Variants in ZNF254 observed in about 807,000 individuals in gnomAD.
ZNF254 encodes the protein zinc finger protein 254.
A neutral mutation model predicts 12.4 loss-of-function variants in ZNF254; 10 were observed. The ratio of observed to expected loss-of-function variants is 0.80; its 90% CI spans 0.50 to 1.36. ZNF254 has a LOEUF of 1.36. ZNF254 is among the 40% of genes most tolerant of loss of function. ZNF254 has a pLI of 0.00. For missense variants in ZNF254, 996 were observed against 763.9 expected (o/e 1.30, Z -3.58); for synonymous variants, 305 against 253.4 (o/e 1.20, Z -1.93).
intron 3 of ZNF254, among the ~76,000 whole-genome samples, chr19:24,111,597 C>T (rs1438414292): frequency 1.3e-5 from 2 of 152,268 alleles, no homozygotes; most frequent in African/African-American, 4.8e-5. Context: ...TATTTCTCCA[C>T]ATCTTCTCCA....
intron 2 of ZNF254, among the ~76,000 whole-genome samples, chr19:24,054,248 C>T (rs1970756908): frequency 6.6e-6 from 1 of 152,146 alleles, no homozygotes; most frequent in African/African-American, 2.4e-5. Flanking sequence ...TGCTTGTTTC[C>T]TTCCCTCGGG....
intron 2 of ZNF254, among the ~76,000 whole-genome samples, chr19:24,057,060 G>T (rs1243869058): frequency 6.6e-6 from 1 of 152,064 alleles, no homozygotes; most frequent in East Asian, 1.9e-4. Context: ...TAGGTACATG[G>T]GTAAGATTGT....
intron 3 of ZNF254, chr19:24,107,015 G>T: frequency 2.2e-6 from 1 of 460,096 alleles, no homozygotes; most frequent in Non-Finnish European, 3.8e-6. Flanking sequence ...CATCATGTCT[G>T]AAATGTGTGA....
intron 2 of ZNF254, chr19:24,080,498 A>G (rs938940991): frequency 1.3e-5 from 2 of 152,210 alleles, no homozygotes; most frequent in Non-Finnish European, 2.9e-5. Context: ...CTAGCCATAT[A>G]TCTGGAAAAG....
At chr19:24,049,181 G>GTT (rs1477205906) in intron 2 of ZNF254, among the ~76,000 whole-genome samples, 3 of 31,844 alleles carry the variant, frequency 9.4e-5, no homozygotes, top group African/African-American at 2.5e-4. Flanking sequence ...TCAGGCTCTG[G>GTT]TTTTATATAT....
intron 2 of ZNF254, among the ~76,000 whole-genome samples, chr19:24,048,333 CGCCACACATGGCCCAG>C (rs1324302658): frequency 6.6e-6 from 1 of 152,222 alleles, no homozygotes; most frequent in East Asian, 1.9e-4. Context: ...AGGCCGCAAG[CGCCACACATGGCCCAG>C]GGTGGAACTG....
At chr19:24,049,184 T>TTATATATATATATATA (rs1159690517) in intron 2 of ZNF254, among the ~76,000 whole-genome samples, 9 of 63,158 alleles carry the variant, frequency 1.4e-4, no homozygotes, top group African/African-American at 3.9e-4. Flanking sequence ...GGCTCTGGTT[T>TTATATATATATATATA]TATATATATA....
chr19:24,048,505 C>G (rs1270446216), intron 2 of ZNF254, among the ~76,000 whole-genome samples: 3 of 152,220 alleles, frequency 2.0e-5, no homozygotes, highest in Admixed American at 1.3e-4. Context: ...CCGCTTAGGT[C>G]CACCAGAAAA....
chr19:24,045,687 A>AG (rs960751266), intron 1 of ZNF254, among the ~76,000 whole-genome samples: 14 of 147,990 alleles, frequency 9.5e-5, no homozygotes, highest in Non-Finnish European at 1.8e-4. Context: ...AAAAAAAAAA[A>AG]GGAAATCTAG....
chr19:24,107,815 G>T (rs867727107), intron 3 of ZNF254, among the ~76,000 whole-genome samples: 2 of 152,160 alleles, frequency 1.3e-5, no homozygotes, highest in Non-Finnish European at 2.9e-5. Flanking sequence ...ATGTGTTTTT[G>T]TTGGGCCCCC....
intron 3 of ZNF254, among the ~76,000 whole-genome samples, chr19:24,121,251 C>T (rs8113172): frequency 0.3 from 45,778 of 150,714 alleles, 8,220 homozygotes; most frequent in African/African-American, 0.51. Flanking sequence ...GTTTTTTTTT[C>T]CCCATATTCT....
chr19:24,107,444 T>C, intron 3 of ZNF254: 1 of 378,870 alleles, frequency 2.6e-6, no homozygotes, highest in South Asian at 9.2e-5. Flanking sequence ...ATTGAGTATT[T>C]CATTGATATT....
chr19:24,056,449 G>T (rs1238905136), intron 2 of ZNF254, among the ~76,000 whole-genome samples: 1 of 152,060 alleles, frequency 6.6e-6, no homozygotes, highest in African/African-American at 2.4e-5. Context: ...CATAAGTTCT[G>T]CTGGCAAGGG....
At chr19:24,085,427 A>ATATATATATATATAT (rs1369362234), upstream of ZNF254, among the ~76,000 whole-genome samples, 1,756 of 42,334 alleles carry the variant, frequency 0.041, 110 homozygotes, top group South Asian at 0.062. Flanking sequence ...TATATATATA[A>ATATATATATATATAT]AAACTAAGAT....
chr19:24,051,605 ACT>A (rs59811860), intron 2 of ZNF254, among the ~76,000 whole-genome samples: 24,069 of 151,938 alleles, frequency 0.16, 2,074 homozygotes, highest in Middle Eastern at 0.23. Context: ...AGATGAGGTG[ACT>A]CTCCTCTCCA....
chr19:24,041,520 G>A (rs368367606), intron 1 of ZNF254, among the ~76,000 whole-genome samples: 2,273 of 152,352 alleles, frequency 0.015, 56 homozygotes, highest in African/African-American at 0.052. Flanking sequence ...CGCTACGCTC[G>A]ATTTCTCGCC....
At chr19:24,039,968 G>T (rs941456281) in intron 1 of ZNF254, among the ~76,000 whole-genome samples, 12 of 152,328 alleles carry the variant, frequency 7.9e-5, no homozygotes, top group African/African-American at 2.9e-4. Flanking sequence ...GGTTGTTAGT[G>T]TGTCATGCAA....
rs899715736 is a variant in ZNF254, at chr19:24,128,682, T to C, written c.*702T>C. ...AATATATTTTTGCAGATACATTAAATATGAAAGATATTCAATCCAAAATTA... is the reference window on the plus strand; with the variant it reads ...AATATATTTTTGCAGATACATTAAACATGAAAGATATTCAATCCAAAATTA... On this transcript the variant is annotated 3_prime_UTR_variant, in exon 4 of 4. Transcript: ENST00000357002. 1 of 152,058 alleles carries C rather than the reference T, an allele frequency of 6.6e-6. No individual in the cohort carries two copies. The highest frequency in any genetic ancestry group is 2.4e-5 in the African/African-American group (1 of 41,452). 9.4% of individuals were successfully genotyped at this position (152,058 alleles called of 1,614,324 possible). A position where few individuals can be genotyped will look rare whatever the true frequency, so the allele number is the denominator to read the frequency against.
upstream of ZNF254, among the ~76,000 whole-genome samples, chr19:24,085,427 A>ATATATATATATCTATATATATATATATGT (rs1369362234): frequency 2.4e-5 from 1 of 42,450 alleles, no homozygotes; most frequent in African/African-American, 7.4e-5. Context: ...TATATATATA[A>ATATATATATATCTATATATATATATATGT]AAACTAAGAT....
Sources: gnomAD v4.1 joint callset for allele counts (sites outside exome capture counted in the v4.1 genomes callset) on GRCh38, gnomAD v4.1.1 for gene constraint, MANE v1.5 for transcripts, NCBI Gene and HGNC (gene_info 2026-07-23, HGNC 2026-07-21) for gene names.